The following PUDP variants were observed in gnomAD, a reference collection of about 807,000 sequenced individuals.
PUDP encodes the protein pseudouridine 5'-phosphatase.
PUDP carries 8 observed loss-of-function variants against 9.4 expected under a neutral mutation model. The observed-to-expected ratio is 0.85, with a 90% CI of 0.50 to 1.53. The LOEUF is 1.53. PUDP is among the 40% of genes most tolerant of loss of function. PUDP has a pLI of 0.00. For synonymous variants in PUDP, 99 were observed against 80.7 expected, an observed-to-expected ratio of 1.23 and a Z score of -1.22; for missense variants, 188 against 189.7, an observed-to-expected ratio of 0.99 and a Z score of 0.05.
intron 3 of PUDP, among the ~76,000 whole-genome samples, chrX:6,946,245 A>G (rs971541773): frequency 8.9e-6 from 1 of 111,970 alleles, no homozygotes; most frequent in Non-Finnish European, 1.9e-5. Flanking sequence ...CATTCCTTGT[A>G]CATGGGACAC....
intron 1 of PUDP, among the ~76,000 whole-genome samples, chrX:6,992,153 A>G: frequency 9.0e-6 from 1 of 110,657 alleles, no homozygotes; most frequent in East Asian, 2.8e-4. Flanking sequence ...ATAAATTTCC[A>G]AGGACATGAT....
chrX:6,873,419 T>C (rs1476856123), intron 3 of PUDP, among the ~76,000 whole-genome samples: 1 of 112,195 alleles, frequency 8.9e-6, no homozygotes, highest in Admixed American at 9.5e-5. Context: ...AATGGTAACA[T>C]GCTCCTGGTC....
chrX:7,047,536 C>T (rs187737603), downstream of PUDP, among the ~76,000 whole-genome samples: 10 of 112,254 alleles, frequency 8.9e-5, no homozygotes, highest in African/African-American at 3.2e-4. Flanking sequence ...TCAGAGATAA[C>T]GTGTACTCCT....
chrX:6,909,074 G>A (rs1274959321), intron 3 of PUDP, among the ~76,000 whole-genome samples: 26 of 111,804 alleles, frequency 2.3e-4, no homozygotes, highest in Non-Finnish European at 1.9e-5. Context: ...TTCACTGAAA[G>A]AGACCCACAT....
intron 3 of PUDP, among the ~76,000 whole-genome samples, chrX:7,062,921 A>G (rs1384886951): frequency 1.9e-5 from 2 of 104,814 alleles, no homozygotes; most frequent in Non-Finnish European, 3.9e-5. Flanking sequence ...GGAAATCCAA[A>G]ATACAACTCA....
intron 1 of PUDP, among the ~76,000 whole-genome samples, chrX:7,012,799 G>A (rs1487737517): frequency 1.8e-5 from 2 of 111,233 alleles, no homozygotes; most frequent in African/African-American, 6.6e-5. Context: ...TATTCTACAG[G>A]AGTCCTGCTC....
At chrX:6,928,185 G>A (rs1928136141) in intron 3 of PUDP, among the ~76,000 whole-genome samples, 1 of 111,075 alleles carries the variant, frequency 9.0e-6, no homozygotes, top group African/African-American at 3.3e-5. Flanking sequence ...CACCACCCCG[G>A]CCTCCCAAAG....
intron 3 of PUDP, among the ~76,000 whole-genome samples, chrX:7,074,638 A>ATAGGTTCACTCTAGT (rs1243177021): frequency 8.9e-6 from 1 of 112,325 alleles, no homozygotes; most frequent in Non-Finnish European, 1.9e-5. Flanking sequence ...CTAGTGAACA[A>ATAGGTTCACTCTAGT]TAACTCAGGT....
intron 1 of PUDP, among the ~76,000 whole-genome samples, chrX:7,110,235 C>T (rs113533619): frequency 8.9e-6 from 1 of 112,421 alleles, no homozygotes; most frequent in African/African-American, 3.2e-5. Context: ...GAAGTCTAGG[C>T]CGATGGCCTC....
chrX:6,876,950 TACACAC>T (rs747481639), intron 3 of PUDP, among the ~76,000 whole-genome samples: 11 of 92,570 alleles, frequency 1.2e-4, no homozygotes, highest in South Asian at 6.2e-4. Flanking sequence ...CATATATGTG[TACACAC>T]ACACACACAC....
intron 3 of PUDP, among the ~76,000 whole-genome samples, chrX:6,780,476 C>G (rs889280637): frequency 1.4e-4 from 15 of 110,708 alleles, no homozygotes. Context: ...GAAAATAGCT[C>G]CATGGATTCT....
At chrX:6,899,522 G>A (rs1927641320) in intron 3 of PUDP, among the ~76,000 whole-genome samples, 2 of 110,841 alleles carry the variant, frequency 1.8e-5, no homozygotes, top group South Asian at 3.8e-4. Flanking sequence ...GCAGTGAGCC[G>A]AGATCACACC....
chrX:6,944,286 T>G (rs1171253978), intron 3 of PUDP, among the ~76,000 whole-genome samples: 1 of 111,922 alleles, frequency 8.9e-6, no homozygotes, highest in Non-Finnish European at 1.9e-5. Flanking sequence ...CTGCCATGAT[T>G]GTAAGTTTTC....
Position 6,805,684 on chromosome X carries a change from T to TA in PUDP, c.*248-99219dup, listed in dbSNP as rs1438558740. On this transcript the variant is annotated intron_variant and NMD_transcript_variant, in intron 3 of 3. Transcript: ENST00000655425. Reference sequence around the variant, plus strand: ...ATAAGTGTGCACAACTACACGGGGCTAATTTTTTTTTTTTTTAGAGATGGG... The same window carrying TA: ...ATAAGTGTGCACAACTACACGGGGCTAAATTTTTTTTTTTTTTAGAGATGGG... Among the ~76,000 whole-genome samples, 4 of 107,577 alleles carry TA rather than the reference T, an allele frequency of 3.7e-5. No homozygotes were observed. The East Asian group carries it at 1.2e-3, about 31-fold the overall frequency. 93.4% of individuals were successfully genotyped at this position (107,577 alleles called of 115,157 possible).
chrX:6,892,741 G>A (rs1927534102), intron 3 of PUDP, among the ~76,000 whole-genome samples: 1 of 111,468 alleles, frequency 9.0e-6, no homozygotes, highest in Non-Finnish European at 1.9e-5. Context: ...AAGTCATAAG[G>A]ATGGGACTCT....
chrX:7,086,541 GATTT>G (rs1931268392), intron 2 of PUDP, among the ~76,000 whole-genome samples: 1 of 112,096 alleles, frequency 8.9e-6, no homozygotes, highest in East Asian at 2.8e-4. Flanking sequence ...GTCTCTTAAT[GATTT>G]ACTGCAGAGC....
At chrX:7,048,464 G>A (rs1477688382), downstream of PUDP, among the ~76,000 whole-genome samples, 1 of 112,296 alleles carries the variant, frequency 8.9e-6, no homozygotes, top group Admixed American at 9.5e-5. Context: ...TAATGTGGAA[G>A]AATAAAAAAG....
rs1188746924 is a variant in PUDP, at chrX:6,951,240, C to CA, written c.*247+25892_*247+25893insT. ...ATCATCCATCCATCCATCCATCCAT[C>CA]CATCATATCTATCTATCTATCTATC... On this transcript the variant is annotated intron_variant and NMD_transcript_variant, in intron 3 of 3. Coordinates refer to the PUDP transcript ENST00000655425. Among the ~76,000 whole-genome samples, 180 of 81,961 alleles carry CA rather than the reference C, an allele frequency of 2.2e-3. 2 individuals are homozygous for CA. The highest frequency in any genetic ancestry group is 3.3e-3 in the Admixed American group (21 of 6,363). The allele number at this position is 81,961 out of a possible 115,157, so 71.2% of individuals were successfully genotyped here.
intron 3 of PUDP, among the ~76,000 whole-genome samples, chrX:6,942,045 C>G (rs948768105): frequency 9.0e-6 from 1 of 111,066 alleles, no homozygotes; most frequent in Non-Finnish European, 1.9e-5. Flanking sequence ...ACACTGGAGA[C>G]TCCAAAAGGC....
Sources: gnomAD v4.1 joint callset for allele counts (sites outside exome capture counted in the v4.1 genomes callset) on GRCh38, gnomAD v4.1.1 for gene constraint, MANE v1.5 for transcripts, NCBI Gene and HGNC (gene_info 2026-07-23, HGNC 2026-07-21) for gene names.